Variants in LRRC31 observed in about 807,000 individuals in gnomAD.
LRRC31 encodes leucine-rich repeat-containing protein 31.
In LRRC31, 35 loss-of-function variants were observed where a neutral mutation model predicts 46.7. The ratio of observed to expected loss-of-function variants is 0.75; its 90% CI spans 0.57 to 0.99. The LOEUF (loss-of-function observed/expected upper bound fraction) is 0.99. Among genes scored for constraint, LRRC31 ranks in the 50% least tolerant of loss-of-function variants. The probability of loss-of-function intolerance (pLI) is 0.00; values close to 1 mark genes in which losing one functional copy is unlikely to be tolerated. For missense variants in LRRC31, 613 were observed against 626.1 expected, an observed-to-expected ratio of 0.98 and a Z score of 0.22; for synonymous variants, 236 against 235.1, an observed-to-expected ratio of 1.00 and a Z score of -0.03.
intron 8 of LRRC31, among the ~76,000 whole-genome samples, chr3:169,840,937 C>A (rs1188266984): frequency 6.6e-6 from 1 of 152,168 alleles, no homozygotes; most frequent in African/African-American, 2.4e-5. Context: ...TAAGAGGAGG[C>A]AGGAGAGATA....
chr3:169,865,489 T>C (rs1000773735), intron 1 of LRRC31, among the ~76,000 whole-genome samples: 12 of 152,332 alleles, frequency 7.9e-5, no homozygotes, highest in Admixed American at 3.3e-4. Flanking sequence ...ACTAAGTTCC[T>C]TTCCGACTGA....
intron 1 of LRRC31, among the ~76,000 whole-genome samples, chr3:169,865,075 CA>C (rs540858560): frequency 0.013 from 1,745 of 136,026 alleles, 22 homozygotes; most frequent in African/African-American, 0.043. Context: ...GACTCCATCT[CA>C]AAAAAAAAAA....
In LRRC31 at chr3:169,860,592, G is replaced by A; in HGVS notation, c.456C>T (p.Cys152=). 1 of 1,614,122 alleles carries A rather than the reference G, an allele frequency of 6.2e-7. No homozygotes were observed. Among genetic ancestry groups the A allele is most frequent in the Admixed American group, 1.7e-5 (1 of 60,018 alleles). ...CTTGAACATCGTCAGTGGTGAGTCT[G>A]CAGCTACCCAGCCTCAAGATTTTTA... ...SKLKILRLGS[C]RLTTDDVQAL... is the part of the protein sequence containing the mutation. Residue 152 remains cysteine (C), a synonymous_variant, in exon 3 of 9, where the codon TGC becomes TGT. Coordinates refer to ENST00000316428, the MANE Select transcript of LRRC31 (RefSeq NM_024727.4).
intron 5 of LRRC31, 37 bp from the exon 6 acceptor site, chr3:169,855,017 A>G (rs1780899589): frequency 1.3e-6 from 2 of 1,578,704 alleles, no homozygotes; most frequent in African/African-American, 1.3e-5. Context: ...TGGTAGCTGG[A>G]CACAGTGGTG....
intron 8 of LRRC31, among the ~76,000 whole-genome samples, chr3:169,842,476 G>A (rs533815645): frequency 3.5e-4 from 54 of 152,164 alleles, no homozygotes; most frequent in Middle Eastern, 6.8e-3. Context: ...TCAGCCTCTC[G>A]AGTAGCTGGG....
chr3:169,846,791 T>C (rs1780617869), intron 8 of LRRC31, among the ~76,000 whole-genome samples: 1 of 152,224 alleles, frequency 6.6e-6, no homozygotes, highest in Non-Finnish European at 1.5e-5. Flanking sequence ...AAATGTAATA[T>C]TTGCTCATTT....
chr3:169,848,432 T>C (rs1457777173), intron 7 of LRRC31, 145 bp from the exon 8 acceptor site: 3 of 663,956 alleles, frequency 4.5e-6, no homozygotes, highest in Non-Finnish European at 7.4e-6. Context: ...CTGCCTTAAA[T>C]TTATGGCCTC....
chr3:169,854,735 A>C, intron 6 of LRRC31, 78 bp downstream of exon 6: 1 of 1,062,138 alleles, frequency 9.4e-7, no homozygotes, highest in Non-Finnish European at 1.4e-6. Flanking sequence ...ATTTAAGTGT[A>C]CATATTAAAA....
rs775763583 is a variant in LRRC31, at chr3:169,851,654, T to C, written c.1124A>G (p.Asn375Ser). The C allele has an allele frequency of 1.2e-6, 2 of 1,614,192 alleles. No individual in the cohort carries two copies. The highest frequency in any genetic ancestry group is 1.7e-5 in the Admixed American group (1 of 60,024). The change falls in exon 7 of 9, where the codon AAC becomes AGC. Residue 375 changes from asparagine (N) to serine (S), a missense_variant. By Grantham distance (46) the Asn-to-Ser change is conservative. Coordinates refer to ENST00000316428, the MANE Select transcript of LRRC31 (RefSeq NM_024727.4). ...LPALKSLVINNCALESETFTA... is the reference protein window; with the variant it reads ...LPALKSLVINSCALESETFTA... ...AAAAGTCTCACTCTCCAAAGCACAG[T>C]TGTTGATAACTAATGACTTCAATGC...
rs77615367 is a variant in LRRC31, at chr3:169,860,754, G to A, written c.320-26C>T. On this transcript the variant is annotated intron_variant, in intron 2 of 8. Transcript: ENST00000316428. ...CTAGAAGTGAACAGAAGAAAATACA[G>A]ATATGTGTATGTGACTTGTGATTTG... 3.0e-3 allele frequency: 4,748 copies of A among 1,605,100 alleles called. 120 individuals are homozygous for A. In the African/African-American group the frequency reaches 0.055, roughly 19 times the overall value.
chr3:169,869,403 G>A (rs1297003966), intron 1 of LRRC31, among the ~76,000 whole-genome samples: 2 of 151,744 alleles, frequency 1.3e-5, no homozygotes, highest in Admixed American at 6.6e-5. Flanking sequence ...AAAACTAAAG[G>A]TATAATGGGA....
At chr3:169,855,621 A>G (rs1057027033) in intron 5 of LRRC31, among the ~76,000 whole-genome samples, 5 of 152,232 alleles carry the variant, frequency 3.3e-5, no homozygotes, top group Non-Finnish European at 5.9e-5. Flanking sequence ...CTCTGTTAAT[A>G]TGGATACTAT....
In LRRC31 at chr3:169,839,298, A is replaced by G. The variant is rs1168826992; in HGVS notation, c.*684T>C. ...TTTATTCTAACAAGATATGTTTTTC[A>G]TACTGAGTTTTAGATTTTTAATCAC... On this transcript the variant is annotated 3_prime_UTR_variant, in exon 9 of 9. Coordinates refer to ENST00000316428, the MANE Select transcript of LRRC31 (RefSeq NM_024727.4). 6 of 152,242 alleles carry G rather than the reference A, an allele frequency of 3.9e-5. No individual in the cohort carries two copies. Among genetic ancestry groups the G allele is most frequent in the African/African-American group, 9.6e-5 (4 of 41,466 alleles). The allele number at this position is 152,242 out of a possible 1,614,324, so 9.4% of individuals were successfully genotyped here.
intron 3 of LRRC31, among the ~76,000 whole-genome samples, chr3:169,859,881 A>G (rs112408129): frequency 0.025 from 3,834 of 152,240 alleles, 145 homozygotes; most frequent in African/African-American, 0.087. Context: ...GGTGGCTCAC[A>G]CCTATAATCT....
At chr3:169,852,912 G>T (rs749834854) in intron 6 of LRRC31, among the ~76,000 whole-genome samples, 1 of 152,132 alleles carries the variant, frequency 6.6e-6, no homozygotes, top group Non-Finnish European at 1.5e-5. Context: ...TGCGTTATAG[G>T]AACTATCTCA....
chr3:169,853,357 A>C (rs16854469), intron 6 of LRRC31: 69,208 of 985,016 alleles, frequency 0.07, 2,508 homozygotes, highest in Middle Eastern at 0.1. Flanking sequence ...AATTAAGCAG[A>C]AGGAAAGCAA....
Position 169,869,809 on chromosome 3 carries a change from G to T in LRRC31, c.-2C>A. The T allele has an allele frequency of 6.2e-7, 1 of 1,610,344 alleles. No individual in the cohort carries two copies. Among genetic ancestry groups the T allele is most frequent in the Non-Finnish European group, 8.5e-7 (1 of 1,178,728 alleles). ...AGTTTTCTTCCTTGTTTGACTCATG[G>T]TGAAGTTGATGGGGGTAGTTCCCAA... On this transcript the variant is annotated 5_prime_UTR_variant, in exon 1 of 9. Transcript: ENST00000316428.
In LRRC31 at chr3:169,861,733, C is replaced by T. The variant is rs991217518; in HGVS notation, c.256G>A (p.Ala86Thr). The change falls in exon 2 of 9, where the codon GCT (alanine) becomes ACT (threonine). Residue 86 changes from alanine to threonine, a missense_variant. Coordinates refer to ENST00000316428, the MANE Select transcript of LRRC31 (RefSeq NM_024727.4). Reference protein sequence around the residue: ...EHFLQKLGKKAVNKCLDLNNC... With the variant: ...EHFLQKLGKKTVNKCLDLNNC... ...TTCAAATCTAGACACTTGTTGACAG[C>T]CTTTTTGCCCAGCTTCTGCAGGAAA... The T allele has an allele frequency of 6.2e-7, 1 of 1,614,142 alleles. No individual in the cohort carries two copies. The highest frequency in any genetic ancestry group is 8.5e-7 in the Non-Finnish European group (1 of 1,180,022).
chr3:169,856,475 G>A lies in LRRC31; in HGVS notation c.684C>T (p.Leu228=), dbSNP rs377072743. 141 of 1,601,480 alleles carry A rather than the reference G, an allele frequency of 8.8e-5. No homozygotes were observed. In the Middle Eastern group the frequency reaches 1.0e-3, roughly 11 times the overall value. The change falls in exon 5 of 9, where the codon CTC becomes CTT. Residue 228 remains leucine (L), a synonymous_variant. Transcript: ENST00000316428. ...TGTTAATGGAAAGATCAAGTACTTCGAGACTTTGCAGCATAGGTAGCAGTT... is the reference window on the plus strand; with the variant it reads ...TGTTAATGGAAAGATCAAGTACTTCAAGACTTTGCAGCATAGGTAGCAGTT... ...LGQLLPMLQS[L]EVLDLSINRD... is the part of the protein sequence containing the mutation.
Sources: allele counts gnomAD v4.1 joint callset (sites outside exome capture counted in the v4.1 genomes callset), GRCh38; gene constraint gnomAD v4.1.1; transcripts MANE v1.5; gene names NCBI Gene and HGNC (gene_info 2026-07-23, HGNC 2026-07-21).